AK8: variants seen among roughly 807,000 people sequenced by gnomAD.
AK8 encodes the protein adenylate kinase 8.
A neutral mutation model predicts 54.6 loss-of-function variants in AK8; 44 were observed. The ratio of observed to expected loss-of-function variants is 0.81; its 90% CI spans 0.63 to 1.04. The LOEUF (loss-of-function observed/expected upper bound fraction) is 1.04, where lower values mean the gene tolerates loss of function less well. Ranked by LOEUF, AK8 falls within the 50% of genes least tolerant of loss-of-function variation. The pLI is 0.00. For synonymous variants in AK8, 239 were observed against 245.6 expected, an observed-to-expected ratio of 0.97 and a Z score of 0.25; for missense variants, 555 against 613.6, an observed-to-expected ratio of 0.90 and a Z score of 1.01.
chr9:132,783,414 G>C (rs2131136553), intron 11 of AK8, among the ~76,000 whole-genome samples: 1 of 152,310 alleles, frequency 6.6e-6, no homozygotes, highest in Admixed American at 6.5e-5. Context: ...CACCAAGTCA[G>C]TGGTAATTTA....
At chr9:132,836,616 C>G (rs978218124) in intron 5 of AK8, among the ~76,000 whole-genome samples, 1 of 152,162 alleles carries the variant, frequency 6.6e-6, no homozygotes, top group Admixed American at 6.5e-5. Flanking sequence ...CTTCTGGCCT[C>G]GAGTCATCCT....
intron 11 of AK8, among the ~76,000 whole-genome samples, chr9:132,745,307 C>T (rs1040161717): frequency 1.3e-5 from 2 of 152,144 alleles, no homozygotes; most frequent in Non-Finnish European, 1.5e-5. Context: ...TGGGGAACCG[C>T]GGGCTGCCCA....
At chr9:132,876,084 T>G (rs1055544257) in intron 1 of AK8, among the ~76,000 whole-genome samples, 1 of 152,184 alleles carries the variant, frequency 6.6e-6, no homozygotes, top group African/African-American at 2.4e-5. Flanking sequence ...GGAGGGGCTG[T>G]AGCCCTCTTG....
chr9:132,776,209 G>A (rs1839208149), intron 11 of AK8, among the ~76,000 whole-genome samples: 1 of 152,140 alleles, frequency 6.6e-6, no homozygotes, highest in Admixed American at 6.5e-5. Context: ...ACAACTCTAG[G>A]GGTGGTGGGC....
chr9:132,831,886 C>T (rs919649184), intron 5 of AK8, among the ~76,000 whole-genome samples: 7 of 151,764 alleles, frequency 4.6e-5, no homozygotes, highest in Non-Finnish European at 8.8e-5. Context: ...GAGACCCCCC[C>T]ACTCTACCGA....
At chr9:132,876,227 T>G (rs1019250987) in intron 1 of AK8, among the ~76,000 whole-genome samples, 3 of 152,206 alleles carry the variant, frequency 2.0e-5, no homozygotes, top group Admixed American at 6.5e-5. Context: ...GTAGCACAGC[T>G]GGAGTGAATT....
At chr9:132,848,109 C>T (rs1167998141) in intron 5 of AK8, among the ~76,000 whole-genome samples, 1 of 52,312 alleles carries the variant, frequency 1.9e-5, no homozygotes, top group African/African-American at 4.7e-5. Flanking sequence ...GAGCAACACC[C>T]TGTTTCAAAA....
At position 132,781,899 on chromosome 9, in the gene AK8, T is replaced by C. The variant is rs1839487808; in HGVS notation, c.1121+10735A>G. 6.6e-6 allele frequency among the ~76,000 whole-genome samples: 1 copy of C among 152,166 alleles called. No homozygotes were observed. Among genetic ancestry groups the C allele is most frequent in the Admixed American group, 6.5e-5 (1 of 15,276 alleles). ...TTACTTTCTGAGTTAATCATAAAAA[T>C]GTTTAACTGAAAGCTAAGGTGCTGG... On this transcript the variant is annotated intron_variant, in intron 11 of 12. Coordinates refer to ENST00000298545, the MANE Select transcript of AK8 (RefSeq NM_152572.3). This position sits in a 1 kb window ranked among gnomAD's most constrained non-coding sequence, Gnocchi z 4.6.
At chr9:132,769,849 C>T (rs1341108253) in intron 11 of AK8, 2 of 152,190 alleles carry the variant, frequency 1.3e-5, no homozygotes, top group African/African-American at 4.8e-5. Context: ...TCCGCCCCTC[C>T]GCTTGCCAGC....
chr9:132,870,052 G>C (rs976396406), intron 2 of AK8, among the ~76,000 whole-genome samples: 1 of 152,158 alleles, frequency 6.6e-6, no homozygotes, highest in Admixed American at 6.5e-5. Context: ...AAGGAAAGGG[G>C]AGATGCAGCT....
chr9:132,816,073 G>A lies in AK8; in HGVS notation c.890-1346C>T, dbSNP rs191885785. Among the ~76,000 whole-genome samples the A allele has an allele frequency of 4.6e-4, 70 of 152,356 alleles. 1 individual carries two copies. In the East Asian group the frequency reaches 0.011, roughly 24 times the overall value. On this transcript the variant is annotated intron_variant, in intron 9 of 12. Coordinates refer to ENST00000298545, the MANE Select transcript of AK8 (RefSeq NM_152572.3). ...TAAGTGAGAATAAAGGCTGCTGGGA[G>A]CTAGGCGCAGTGGCTCATGCCTGTA...
chr9:132,730,343 C>T (rs1227364044), intron 11 of AK8, among the ~76,000 whole-genome samples: 2 of 151,988 alleles, frequency 1.3e-5, no homozygotes, highest in Non-Finnish European at 2.9e-5. Context: ...AATAACAGCA[C>T]GTGCCCAGGA....
chr9:132,798,085 T>C (rs1456680712), intron 10 of AK8, among the ~76,000 whole-genome samples: 2 of 152,218 alleles, frequency 1.3e-5, no homozygotes, highest in Non-Finnish European at 2.9e-5. Context: ...TCCTGGATCC[T>C]GGTAGGGCTC....
chr9:132,838,195 T>C (rs1429669929), intron 5 of AK8, among the ~76,000 whole-genome samples: 1 of 152,124 alleles, frequency 6.6e-6, no homozygotes. Flanking sequence ...GTTTCCACTA[T>C]AAAATACTGA....
intron 5 of AK8, among the ~76,000 whole-genome samples, chr9:132,842,830 G>A (rs545288922): frequency 7.7e-4 from 117 of 152,358 alleles, no homozygotes; most frequent in African/African-American, 2.7e-3. Flanking sequence ...GCTGCCACAT[G>A]ACTGAGGGCT....
In AK8 at chr9:132,757,645, C is replaced by T. The variant is rs372467272; in HGVS notation, c.1122-30111G>A. Among the ~76,000 whole-genome samples, 39 of 152,296 alleles carry T rather than the reference C, an allele frequency of 2.6e-4. 1 individual carries two copies. The South Asian group carries it at 7.2e-3, about 28-fold the overall frequency. On this transcript the variant is annotated intron_variant, in intron 11 of 12. Coordinates refer to ENST00000298545, the MANE Select transcript of AK8 (RefSeq NM_152572.3). ...GTGAAGAAACTGAGGCTCCGAAAGG[C>T]GGCAACCGCAGAGGTGGATCTGGTT...
intron 11 of AK8, among the ~76,000 whole-genome samples, chr9:132,765,191 G>A (rs1328840004): frequency 1.3e-5 from 2 of 151,610 alleles, no homozygotes; most frequent in Non-Finnish European, 2.9e-5. Flanking sequence ...TACTCGGGAG[G>A]CTGAGGCGGG....
At chr9:132,745,495 C>T (rs907829632) in intron 11 of AK8, among the ~76,000 whole-genome samples, 1 of 152,122 alleles carries the variant, frequency 6.6e-6, no homozygotes, top group Non-Finnish European at 1.5e-5. Flanking sequence ...AGCTGGGCCC[C>T]GGCAGAAACC....
intron 11 of AK8, among the ~76,000 whole-genome samples, chr9:132,772,360 C>T (rs1401132294): frequency 6.6e-6 from 1 of 152,222 alleles, no homozygotes; most frequent in Non-Finnish European, 1.5e-5. Flanking sequence ...TATTTGAACA[C>T]AGGGCCTTTA....
Sources: gnomAD v4.1 joint callset for allele counts (sites outside exome capture counted in the v4.1 genomes callset) on GRCh38, gnomAD v4.1.1 for gene constraint, Gnocchi (gnomAD v3.1) non-coding constraint, MANE v1.5 for transcripts, NCBI Gene and HGNC (gene_info 2026-07-23, HGNC 2026-07-21) for gene names.